Variants in EPB41L4B observed in about 807,000 individuals in gnomAD.
EPB41L4B encodes the protein band 4.1-like protein 4B.
A neutral mutation model predicts 112.5 loss-of-function variants in EPB41L4B; 30 were observed. The ratio of observed to expected loss-of-function variants is 0.27; its 90% CI spans 0.20 to 0.36. The LOEUF (loss-of-function observed/expected upper bound fraction) is 0.36, where lower values mean the gene tolerates loss of function less well. EPB41L4B is among the 10% of genes least tolerant of loss of function. The pLI is 1.00. For synonymous variants in EPB41L4B, 408 were observed against 439.7 expected (o/e 0.93, Z 0.90); for missense variants, 1,024 against 1,133.3 (o/e 0.90, Z 1.38).
chr9:109,207,025 C>T lies in EPB41L4B; in HGVS notation c.1878+899G>A, dbSNP rs376345393. Among the ~76,000 whole-genome samples the T allele has an allele frequency of 1.7e-4, 26 of 152,356 alleles. No homozygotes were observed. The East Asian group carries it at 1.7e-3, about 10-fold the overall frequency. On this transcript the variant is annotated intron_variant, in intron 18 of 25. Coordinates refer to ENST00000374566, the MANE Select transcript of EPB41L4B (RefSeq NM_019114.5). ...CATATCAGCACCAGCCAGCTGATGT[C>T]CCCTCCTCAGTCTGAGTCCAGGACC...
chr9:109,229,820 G>T (rs1341503786), intron 15 of EPB41L4B, among the ~76,000 whole-genome samples: 1 of 152,136 alleles, frequency 6.6e-6, no homozygotes. Flanking sequence ...AGGACATGGG[G>T]AGCCTGGAGC....
intron 15 of EPB41L4B, among the ~76,000 whole-genome samples, chr9:109,237,328 T>C (rs1227144831): frequency 6.6e-6 from 1 of 152,224 alleles, no homozygotes; most frequent in East Asian, 1.9e-4. Context: ...ATGAATTACA[T>C]CAATCAAATG....
At chr9:109,208,106 T>C in intron 17 of EPB41L4B, 57 bp from the exon 18 acceptor site, 1 of 1,605,752 alleles carries the variant, frequency 6.2e-7, no homozygotes, top group South Asian at 1.1e-5. Context: ...ACCATGTGCA[T>C]TAACTTTTCC....
Position 109,182,716 on chromosome 9 carries a change from T to C in EPB41L4B, c.2487+13A>G, listed in dbSNP as rs1832110244. ...GGGTTTAAAATGCACATCTGTTTTC[T>C]GGATCTACTTACAGTAAACTGTGGC... is the stretch of plus-strand genomic sequence containing the variant. On this transcript the variant is annotated intron_variant, in intron 24 of 25. Coordinates refer to ENST00000374566, the MANE Select transcript of EPB41L4B (RefSeq NM_019114.5). 1 of 1,600,268 alleles carries C rather than the reference T, an allele frequency of 6.2e-7. No homozygotes were observed. Among genetic ancestry groups the C allele is most frequent in the East Asian group, 2.2e-5 (1 of 44,808 alleles).
At chr9:109,298,524 G>A (rs1836826944) in intron 1 of EPB41L4B, among the ~76,000 whole-genome samples, 1 of 152,108 alleles carries the variant, frequency 6.6e-6, no homozygotes, top group South Asian at 2.1e-4. Flanking sequence ...ATGTTGGCCA[G>A]GCTGGTCTCA....
chr9:109,222,259 C>T (rs945422748), intron 15 of EPB41L4B, among the ~76,000 whole-genome samples: 2 of 152,162 alleles, frequency 1.3e-5, no homozygotes, highest in African/African-American at 4.8e-5. Context: ...GAGAAGCTGC[C>T]TGAAGCCGCC....
chr9:109,275,191 G>A (rs746683970), intron 2 of EPB41L4B, among the ~76,000 whole-genome samples: 8 of 152,228 alleles, frequency 5.3e-5, no homozygotes, highest in South Asian at 2.1e-4. Flanking sequence ...GAAACCAGGC[G>A]TGGTTCTTTT....
chr9:109,196,417 C>T (rs2118715051), intron 20 of EPB41L4B: 1 of 152,140 alleles, frequency 6.6e-6, no homozygotes, highest in African/African-American at 2.4e-5. Context: ...TAGCTGGTAT[C>T]AATAAAAAAT....
chr9:109,210,274 C>T (rs1461892799), intron 17 of EPB41L4B, among the ~76,000 whole-genome samples: 2 of 152,086 alleles, frequency 1.3e-5, no homozygotes, highest in Admixed American at 1.3e-4. Flanking sequence ...TACAGTATAC[C>T]CTTAAGATAA....
At chr9:109,289,596 G>A (rs1191457011) in intron 1 of EPB41L4B, among the ~76,000 whole-genome samples, 1 of 152,190 alleles carries the variant, frequency 6.6e-6, no homozygotes, top group Non-Finnish European at 1.5e-5. Flanking sequence ...CAAATCCACT[G>A]GAATTCTCTG....
intron 1 of EPB41L4B, among the ~76,000 whole-genome samples, chr9:109,311,030 T>C (rs1306361249): frequency 6.6e-6 from 1 of 151,988 alleles, no homozygotes. Context: ...TGCCCGGGGT[T>C]TGGGGGGAGT....
intron 1 of EPB41L4B, among the ~76,000 whole-genome samples, chr9:109,303,989 T>G (rs1017225994): frequency 1.3e-5 from 2 of 152,194 alleles, no homozygotes; most frequent in African/African-American, 4.8e-5. Flanking sequence ...AAATTAAAAT[T>G]TTTAAAGGGA....
chr9:109,193,522 C>T (rs1367343145), intron 21 of EPB41L4B, among the ~76,000 whole-genome samples: 1 of 152,230 alleles, frequency 6.6e-6, no homozygotes, highest in Non-Finnish European at 1.5e-5. Flanking sequence ...TGGGAACAGC[C>T]TCTGAAGCTC....
intron 2 of EPB41L4B, among the ~76,000 whole-genome samples, chr9:109,272,983 G>A (rs1835680983): frequency 6.6e-6 from 1 of 152,086 alleles, no homozygotes; most frequent in Admixed American, 6.6e-5. Context: ...AGTACTCTAG[G>A]TTTCCACACC....
At chr9:109,317,637 A>T (rs1386966042) in intron 1 of EPB41L4B, among the ~76,000 whole-genome samples, 1 of 152,244 alleles carries the variant, frequency 6.6e-6, no homozygotes, top group East Asian at 1.9e-4. Flanking sequence ...GGTTGAGCAA[A>T]GGAATTCTCA....
rs769680131 is a variant in EPB41L4B, at chr9:109,185,569, G to A, written c.2338C>T (p.Arg780Cys). 12 of 1,613,292 alleles carry A rather than the reference G, an allele frequency of 7.4e-6. No individual in the cohort carries two copies. The highest frequency in any genetic ancestry group is 1.7e-5 in the Admixed American group (1 of 59,936). ...PASNPHCAHSRCSPPLSLPMK... is the reference protein window; with the variant it reads ...PASNPHCAHSCCSPPLSLPMK... ...GGGAGAGAGAGTGGAGGAGAACAGC[G>A]AGAGTGGGCACAGTGGGGGTTGCTG... The change falls in exon 23 of 26, where the codon CGC becomes TGC. Residue 780 changes from arginine (R) to cysteine (C), a missense_variant. Physicochemically the swap from Arg to Cys is radical, Grantham distance 180 (BLOSUM62 -3). Coordinates refer to ENST00000374566, the MANE Select transcript of EPB41L4B (RefSeq NM_019114.5).
Position 109,185,589 on chromosome 9 carries a change from T to C in EPB41L4B, c.2318A>G (p.Asn773Ser). 1.9e-6 allele frequency: 3 copies of C among 1,608,244 alleles called. No individual in the cohort carries two copies. Among genetic ancestry groups the C allele is most frequent in the Non-Finnish European group, 2.5e-6 (3 of 1,177,262 alleles). The change falls in exon 23 of 26, where the codon AAC becomes AGC. Residue 773 changes from asparagine (N) to serine (S), a missense_variant. Coordinates refer to ENST00000374566, the MANE Select transcript of EPB41L4B (RefSeq NM_019114.5). ...ACAGCGAGAGTGGGCACAGTGGGGG[T>C]TGCTGGCGGGCTCTGCCTGCTCACG... ...EATPLAEPAS[N>S]PHCAHSRCSP... is the part of the protein sequence containing the mutation.
At chr9:109,256,317 T>C in intron 8 of EPB41L4B, 76 bp downstream of exon 8, 1 of 1,591,454 alleles carries the variant, frequency 6.3e-7, no homozygotes, top group South Asian at 1.1e-5. Context: ...TCACCACAAG[T>C]TATTTTGTTT....
At chr9:109,267,329 G>A (rs770145987) in intron 4 of EPB41L4B, 144 bp downstream of exon 4, 19 of 520,274 alleles carry the variant, frequency 3.7e-5, no homozygotes, top group Admixed American at 1.0e-4. Flanking sequence ...AACGGAACAC[G>A]GAAGCACCGG....
Sources: gnomAD v4.1 joint callset for allele counts (sites outside exome capture counted in the v4.1 genomes callset) on GRCh38, gnomAD v4.1.1 for gene constraint, MANE v1.5 for transcripts, NCBI Gene and HGNC (gene_info 2026-07-23, HGNC 2026-07-21) for gene names.